PRKCQ: variants seen among roughly 807,000 people sequenced by gnomAD.
PRKCQ encodes protein kinase C theta.
Under a neutral mutation model 91.2 loss-of-function variants are expected in PRKCQ, and 41 were observed. The observed-to-expected ratio is 0.45, with a 90% CI of 0.35 to 0.58. The LOEUF is 0.58. PRKCQ is among the 20% of genes least tolerant of loss of function. The probability of loss-of-function intolerance (pLI) is 0.00; values close to 1 mark genes in which losing one functional copy is unlikely to be tolerated. For missense variants in PRKCQ, 673 were observed against 896.5 expected, an observed-to-expected ratio of 0.75 and a Z score of 3.18; for synonymous variants, 307 against 316.9, an observed-to-expected ratio of 0.97 and a Z score of 0.33.
the PRKCQ span, among the ~76,000 whole-genome samples, chr10:6,416,056 C>G: frequency 6.6e-6 from 1 of 152,016 alleles, no homozygotes; most frequent in African/African-American, 2.4e-5. Flanking sequence ...CTGTTTTCCT[C>G]TTTTGAAAAA....
At chr10:6,569,869 G>A (rs374618317) in intron 1 of PRKCQ, among the ~76,000 whole-genome samples, 3 of 152,140 alleles carry the variant, frequency 2.0e-5, no homozygotes, top group South Asian at 4.1e-4. Context: ...GGCATTAGAC[G>A]TGCCCAGGAA....
intron 13 of PRKCQ, 72 bp from the exon 14 acceptor site, chr10:6,462,437 AC>A (rs1835403627): frequency 7.0e-7 from 1 of 1,419,312 alleles, no homozygotes; most frequent in Non-Finnish European, 9.9e-7. Context: ...ACCCAGACTG[AC>A]CTTTTTCTGA....
At chr10:6,447,787 C>T (rs988668973) in intron 15 of PRKCQ, among the ~76,000 whole-genome samples, 1 of 152,224 alleles carries the variant, frequency 6.6e-6, no homozygotes, top group Non-Finnish European at 1.5e-5. Flanking sequence ...CACAGAGTCC[C>T]CTCCCTGAAG....
intron 16 of PRKCQ, among the ~76,000 whole-genome samples, chr10:6,431,160 C>T: frequency 6.6e-6 from 1 of 152,224 alleles, no homozygotes; most frequent in East Asian, 1.9e-4. Context: ...GGTGCATAGA[C>T]CTGATTTGAA....
intron 10 of PRKCQ, among the ~76,000 whole-genome samples, 155 bp downstream of exon 10, chr10:6,484,997 T>C (rs1836822165): frequency 6.6e-6 from 1 of 152,228 alleles, no homozygotes; most frequent in African/African-American, 2.4e-5. Flanking sequence ...AAGGTTTTAG[T>C]TTCTTTTCTA....
At position 6,458,942 on chromosome 10, in the gene PRKCQ, T is replaced by C. The variant is rs144587124; in HGVS notation, c.1509-2130A>G. The stretch of plus-strand genomic sequence containing the variant: ...TTGACCCAAACCAGGGCTTACATCA[T>C]CTTTGAAGATGCCGTCGATTTTGTG... On this transcript the variant is annotated intron_variant, in intron 14 of 17. Transcript: ENST00000263125. Among the ~76,000 whole-genome samples, 761 of 152,306 alleles carry C rather than the reference T, an allele frequency of 5.0e-3. 10 individuals are homozygous for C. The highest frequency in any genetic ancestry group is 0.017 in the African/African-American group (717 of 41,564).
rs758225174 is a variant in PRKCQ, at chr10:6,576,661, T to C, written c.-10+3550A>G. The stretch of plus-strand genomic sequence containing the variant: ...CAAAACAATGTGAATATACTTAATG[T>C]CACTGAACTGTACGCTAGAAAATAG... On this transcript the variant is annotated intron_variant, in intron 1 of 17. Transcript: ENST00000263125. The surrounding 1 kb of genome is among the most constrained non-coding windows in gnomAD (Gnocchi z 4.2). Among the ~76,000 whole-genome samples the C allele has an allele frequency of 1.9e-4, 29 of 152,250 alleles. No individual in the cohort carries two copies. Among genetic ancestry groups the C allele is most frequent in the Non-Finnish European group, 2.6e-4 (18 of 68,044 alleles).
intron 11 of PRKCQ, among the ~76,000 whole-genome samples, chr10:6,479,583 T>C (rs1459431134): frequency 6.6e-6 from 1 of 151,600 alleles, no homozygotes; most frequent in African/African-American, 2.4e-5. Flanking sequence ...TTTTACCCAG[T>C]TTTTCCAGGC....
chr10:6,485,564 A>G (rs1008420999), intron 9 of PRKCQ, among the ~76,000 whole-genome samples: 2 of 152,180 alleles, frequency 1.3e-5, no homozygotes, highest in African/African-American at 4.8e-5. Flanking sequence ...AATGGATGGG[A>G]AAACAGCTGA....
intron 1 of PRKCQ, among the ~76,000 whole-genome samples, chr10:6,537,265 C>A (rs1839617742): frequency 6.6e-6 from 1 of 152,174 alleles, no homozygotes; most frequent in Admixed American, 6.5e-5. Context: ...TTTTGTTAAT[C>A]TATACCTCAG....
chr10:6,479,204 T>C lies in PRKCQ; in HGVS notation c.1180-39A>G, dbSNP rs1019732490. 5 of 1,602,360 alleles carry C rather than the reference T, an allele frequency of 3.1e-6. No individual in the cohort carries two copies. The African/African-American group carries it at 6.7e-5, about 22-fold the overall frequency. On this transcript the variant is annotated intron_variant, in intron 11 of 17. Transcript: ENST00000263125. ...GAAGAAGTAACTTTATTTTAGAATT[T>C]GGATTCCCATTTCTTAAAAAAGAGA...
intron 1 of PRKCQ, among the ~76,000 whole-genome samples, chr10:6,536,844 G>A (rs1392157202): frequency 6.6e-6 from 1 of 152,234 alleles, no homozygotes; most frequent in Non-Finnish European, 1.5e-5. Flanking sequence ...AACAGCCAGA[G>A]CATCTCCTCC....
chr10:6,419,203 T>C, the PRKCQ span, among the ~76,000 whole-genome samples: 469 of 150,784 alleles, frequency 3.1e-3, 1 homozygote, highest in South Asian at 4.2e-3. Flanking sequence ...ATCTCTCTAT[T>C]TGTCTATATC....
the PRKCQ span, among the ~76,000 whole-genome samples, chr10:6,400,292 C>T: frequency 6.6e-6 from 1 of 152,278 alleles, no homozygotes; most frequent in East Asian, 1.9e-4. Flanking sequence ...GTCTGTCTTC[C>T]TCATCTCCTG....
intron 1 of PRKCQ, 41 bp downstream of exon 1, chr10:6,580,170 C>A (rs1228074060): frequency 5.9e-5 from 9 of 152,876 alleles, no homozygotes; most frequent in African/African-American, 1.7e-4. Context: ...GCCCCTCCAG[C>A]CCGCTCCCTC....
intron 1 of PRKCQ, among the ~76,000 whole-genome samples, chr10:6,561,059 T>C (rs1840613330): frequency 1.3e-5 from 2 of 151,234 alleles, no homozygotes; most frequent in South Asian, 4.2e-4. Flanking sequence ...AAAAATTTAT[T>C]CTTTTCAAAT....
the PRKCQ span, among the ~76,000 whole-genome samples, chr10:6,422,104 A>G: frequency 6.6e-6 from 1 of 152,166 alleles, no homozygotes; most frequent in African/African-American, 2.4e-5. Context: ...TTTGTGATCA[A>G]TCAGATAGAA....
the PRKCQ span, among the ~76,000 whole-genome samples, chr10:6,402,100 A>G: frequency 2.6e-5 from 4 of 152,180 alleles, no homozygotes; most frequent in Admixed American, 6.5e-5. Context: ...ACACAAGAAC[A>G]GAAAACCAAA....
At position 6,439,344 on chromosome 10, in the gene PRKCQ, T is replaced by C. The variant is rs183862790; in HGVS notation, c.1836+2549A>G. 3.9e-5 allele frequency among the ~76,000 whole-genome samples: 6 copies of C among 152,300 alleles called. No homozygotes were observed. The East Asian group carries it at 1.2e-3, about 29-fold the overall frequency. Reference sequence around the variant, plus strand: ...CCTGTACTCTCAGAGTTTGTTAGAGTGAAGAAGTCAACAATATTTCTGGTG... The same window carrying C: ...CCTGTACTCTCAGAGTTTGTTAGAGCGAAGAAGTCAACAATATTTCTGGTG... On this transcript the variant is annotated intron_variant, in intron 16 of 17. Transcript: ENST00000263125.
Sources: gnomAD v4.1 joint callset for allele counts (sites outside exome capture counted in the v4.1 genomes callset) on GRCh38, gnomAD v4.1.1 for gene constraint, Gnocchi (gnomAD v3.1) non-coding constraint, MANE v1.5 for transcripts, NCBI Gene and HGNC (gene_info 2026-07-23, HGNC 2026-07-21) for gene names.